The following PIK3C3 variants were observed in gnomAD, a reference collection of about 807,000 sequenced individuals.
PIK3C3 encodes the protein PI3-kinase type 3.
Under a neutral mutation model 126.1 loss-of-function variants are expected in PIK3C3, and 95 were observed. The ratio of observed to expected loss-of-function variants is 0.75; its 90% CI spans 0.64 to 0.89. The LOEUF is 0.89. Ranked by LOEUF, PIK3C3 falls within the 40% of genes least tolerant of loss-of-function variation. PIK3C3 has a pLI of 0.00. For synonymous variants in PIK3C3, 374 were observed against 360.0 expected (o/e 1.04, Z -0.44); for missense variants, 829 against 1,063.2 (o/e 0.78, Z 3.06).
At position 42,071,755 on chromosome 18, in the gene PIK3C3, CTTAG is replaced by C. The variant is rs371072891; in HGVS notation, c.2649+4249_2649+4252del. On this transcript the variant is annotated intron_variant, in intron 24 of 24. Coordinates refer to ENST00000262039, the MANE Select transcript of PIK3C3 (RefSeq NM_002647.4). ...AAAAAATTAATAAAATAAAAGAAAA[CTTAG>C]TTAGTTGTTCTAACTTATCAGACAG... Among the ~76,000 whole-genome samples, 255 of 151,332 alleles carry C rather than the reference CTTAG, an allele frequency of 1.7e-3. 1 individual carries two copies. Among genetic ancestry groups the C allele is most frequent in the Middle Eastern group, 6.8e-3 (2 of 292 alleles).
intron 4 of PIK3C3, among the ~76,000 whole-genome samples, chr18:41,972,973 G>A (rs1016137420): frequency 2.0e-5 from 3 of 152,054 alleles, no homozygotes; most frequent in Non-Finnish European, 4.4e-5. Context: ...ACTGTACTGC[G>A]AGTCAGAGTT....
At chr18:41,972,768 C>T (rs77681529) in intron 4 of PIK3C3, among the ~76,000 whole-genome samples, 1,647 of 152,142 alleles carry the variant, frequency 0.011, 29 homozygotes, top group African/African-American at 0.038. Context: ...GAAGGAAGCT[C>T]TTTTTATTTT....
intron 16 of PIK3C3, among the ~76,000 whole-genome samples, chr18:42,035,216 T>C (rs1156261121): frequency 6.6e-6 from 1 of 152,162 alleles, no homozygotes; most frequent in Admixed American, 6.5e-5. Flanking sequence ...TAAAAAGCTA[T>C]GCACAAGGTA....
At chr18:42,058,779 A>T (rs1191365797) in intron 22 of PIK3C3, among the ~76,000 whole-genome samples, 1 of 152,212 alleles carries the variant, frequency 6.6e-6, no homozygotes, top group African/African-American at 2.4e-5. Context: ...TAAATTTAGG[A>T]CATGGCTCTG....
At chr18:42,011,844 C>CATTAATTACTGCAAATA (rs1365783538) in intron 10 of PIK3C3, among the ~76,000 whole-genome samples, 11 of 152,036 alleles carry the variant, frequency 7.2e-5, no homozygotes, top group African/African-American at 2.7e-4. Flanking sequence ...TATTAATTGG[C>CATTAATTACTGCAAATA]CTCATTGCAG....
chr18:41,967,246 G>A (rs993185113), intron 3 of PIK3C3, among the ~76,000 whole-genome samples: 1 of 151,986 alleles, frequency 6.6e-6, no homozygotes, highest in African/African-American at 2.4e-5. Context: ...CTACTTCCTT[G>A]CATGGTGCTG....
intron 8 of PIK3C3, 78 bp downstream of exon 8, chr18:41,996,072 TA>T (rs1261317007): frequency 1.0e-5 from 9 of 893,136 alleles, no homozygotes; most frequent in Non-Finnish European, 1.6e-5. Flanking sequence ...TCACCTCACT[TA>T]AAAATTATTT....
intron 13 of PIK3C3, chr18:42,026,403 CTT>C (rs1220924656): frequency 1.3e-5 from 2 of 152,010 alleles, no homozygotes; most frequent in African/African-American, 2.4e-5. Flanking sequence ...CTTTGTGAAA[CTT>C]TTCCGTTTTA....
At chr18:41,966,395 C>T (rs1980370680) in intron 3 of PIK3C3, among the ~76,000 whole-genome samples, 1 of 151,944 alleles carries the variant, frequency 6.6e-6, no homozygotes, top group African/African-American at 2.4e-5. Context: ...GTCTTGAGCT[C>T]CTGACCTCAG....
chr18:42,075,968 G>T (rs1276274754), intron 24 of PIK3C3, among the ~76,000 whole-genome samples: 3 of 148,950 alleles, frequency 2.0e-5, no homozygotes, highest in Non-Finnish European at 4.5e-5. Context: ...TAACCCGTGT[G>T]CAGTTCTTCC....
intron 3 of PIK3C3, among the ~76,000 whole-genome samples, chr18:41,967,161 T>G (rs1418783759): frequency 6.6e-6 from 1 of 152,138 alleles, no homozygotes; most frequent in Non-Finnish European, 1.5e-5. Context: ...AGCTTTGGAT[T>G]GTGAAAGATG....
At chr18:41,995,045 G>C (rs995403738) in intron 7 of PIK3C3, among the ~76,000 whole-genome samples, 5 of 151,948 alleles carry the variant, frequency 3.3e-5, no homozygotes, top group African/African-American at 1.2e-4. Flanking sequence ...CTCAAAAAAA[G>C]AAACCACACT....
chr18:42,063,080 G>A (rs1029330320), intron 22 of PIK3C3, among the ~76,000 whole-genome samples: 7 of 152,020 alleles, frequency 4.6e-5, no homozygotes, highest in African/African-American at 1.4e-4. Context: ...GCCTATCAAC[G>A]TGTGTTACTC....
intron 24 of PIK3C3, among the ~76,000 whole-genome samples, chr18:42,068,967 A>G (rs1985662957): frequency 6.6e-6 from 1 of 151,084 alleles, no homozygotes; most frequent in Admixed American, 6.6e-5. Flanking sequence ...AAAAAAAAAA[A>G]AGAAATAGAT....
At chr18:42,038,634 G>A (rs1984169018) in intron 17 of PIK3C3, 147 bp from the exon 18 acceptor site, 2 of 589,990 alleles carry the variant, frequency 3.4e-6, no homozygotes, top group Non-Finnish European at 6.0e-6. Flanking sequence ...GGGAACCACT[G>A]TGCCCAGCCT....
chr18:42,004,467 C>T lies in PIK3C3; in HGVS notation c.1096C>T (p.Leu366=), dbSNP rs372311749. ...GATGGATGTAGAGGACTCCTTGGAG[C>T]TGTTATCCTCTCATTACACCAACCC... ...KPMDVEDSLE[L]LSSHYTNPTV... The change falls in exon 10 of 25, where the codon CTG becomes TTG. Residue 366 remains leucine, a synonymous_variant. Transcript: ENST00000262039. The T allele has an allele frequency of 5.0e-6, 8 of 1,613,542 alleles. No individual in the cohort carries two copies. The highest frequency in any genetic ancestry group is 6.8e-6 in the Non-Finnish European group (8 of 1,179,816).
At chr18:42,029,507 C>T (rs1202574418) in intron 15 of PIK3C3, 66 bp downstream of exon 15, 17 of 559,600 alleles carry the variant, frequency 3.0e-5, no homozygotes, top group South Asian at 8.4e-5. Flanking sequence ...TGAATTTTCA[C>T]TATTGTCTTT....
chr18:42,049,129 A>G (rs1384546216), intron 20 of PIK3C3, among the ~76,000 whole-genome samples: 1 of 152,160 alleles, frequency 6.6e-6, no homozygotes, highest in Non-Finnish European at 1.5e-5. Flanking sequence ...TTATTTTTCC[A>G]CAGACTTAAA....
chr18:42,031,621 T>G (rs1983833070), intron 15 of PIK3C3, among the ~76,000 whole-genome samples: 1 of 152,156 alleles, frequency 6.6e-6, no homozygotes, highest in African/African-American at 2.4e-5. Context: ...GGTTTCACTC[T>G]GTTGGCCAGG....
Sources: allele counts gnomAD v4.1 joint callset (sites outside exome capture counted in the v4.1 genomes callset), GRCh38; gene constraint gnomAD v4.1.1; transcripts MANE v1.5; gene names NCBI Gene and HGNC (gene_info 2026-07-23, HGNC 2026-07-21).